Variants in TENM4 observed in about 807,000 individuals in gnomAD.
The protein encoded by TENM4 is teneurin transmembrane protein 4, also known as teneurin-4.
A neutral mutation model predicts 243.3 loss-of-function variants in TENM4; 82 were observed. The observed-to-expected ratio is 0.34, with a 90% CI of 0.28 to 0.40. The LOEUF is 0.40. Ranked by LOEUF, TENM4 falls within the 10% of genes least tolerant of loss-of-function variation. The pLI is 1.00. For missense variants in TENM4, 3,138 were observed against 3,673.3 expected, an observed-to-expected ratio of 0.85 and a Z score of 3.77; for synonymous variants, 1,412 against 1,456.3, an observed-to-expected ratio of 0.97 and a Z score of 0.69.
intron 4 of TENM4, among the ~76,000 whole-genome samples, chr11:79,129,873 A>T (rs185351330): frequency 1.3e-4 from 20 of 152,286 alleles, no homozygotes; most frequent in Admixed American, 9.8e-4. Flanking sequence ...GTTCCTCATC[A>T]TACTACCACA....
chr11:79,045,082 A>G (rs1859626014), intron 6 of TENM4, among the ~76,000 whole-genome samples: 1 of 152,198 alleles, frequency 6.6e-6, no homozygotes, highest in African/African-American at 2.4e-5. Flanking sequence ...CCCCATACCC[A>G]TTAAGCAGTT....
chr11:79,222,450 A>G (rs7942686), intron 2 of TENM4, among the ~76,000 whole-genome samples: 1,886 of 152,256 alleles, frequency 0.012, 22 homozygotes, highest in Middle Eastern at 0.058. Context: ...TATTGTGAAT[A>G]GTGCTGCAAT....
chr11:78,931,756 C>T (rs1379098917), intron 6 of TENM4, among the ~76,000 whole-genome samples: 2 of 152,154 alleles, frequency 1.3e-5, no homozygotes, highest in Non-Finnish European at 2.9e-5. Context: ...AGGATTTCCA[C>T]CGGGGCTAGG....
intron 28 of TENM4, among the ~76,000 whole-genome samples, chr11:78,695,562 C>T (rs1056866998): frequency 2.0e-5 from 3 of 152,204 alleles, no homozygotes; most frequent in Non-Finnish European, 2.9e-5. Context: ...GGGGTTTCAC[C>T]ATGTTGGCCA....
chr11:79,224,578 A>G (rs1432186426), intron 2 of TENM4, among the ~76,000 whole-genome samples: 1 of 152,150 alleles, frequency 6.6e-6, no homozygotes, highest in Non-Finnish European at 1.5e-5. Context: ...ATTTGGAGAT[A>G]AGGTCTTTAT....
intron 1 of TENM4, among the ~76,000 whole-genome samples, chr11:79,416,644 C>A (rs781076327): frequency 6.6e-6 from 1 of 152,126 alleles, no homozygotes; most frequent in Non-Finnish European, 1.5e-5. Context: ...ACCCTCATAA[C>A]AACCTAACGA....
intron 6 of TENM4, among the ~76,000 whole-genome samples, chr11:78,907,212 G>C (rs1299606866): frequency 2.0e-5 from 3 of 150,406 alleles, no homozygotes; most frequent in Admixed American, 6.6e-5. Flanking sequence ...ACTTCCCAAA[G>C]AGCAAATGTT....
intron 6 of TENM4, among the ~76,000 whole-genome samples, chr11:78,933,149 C>T (rs1856707974): frequency 6.6e-6 from 1 of 152,148 alleles, no homozygotes; most frequent in Non-Finnish European, 1.5e-5. Context: ...AATAGGCTTC[C>T]TGGCTGCATC....
At chr11:78,687,698 T>C (rs1432321760) in intron 29 of TENM4, among the ~76,000 whole-genome samples, 2 of 152,168 alleles carry the variant, frequency 1.3e-5, no homozygotes, top group Admixed American at 6.5e-5. Context: ...CCTTTCATAA[T>C]TATGCGTAAT....
intron 6 of TENM4, among the ~76,000 whole-genome samples, chr11:78,921,238 C>T (rs769039264): frequency 2.6e-5 from 4 of 152,162 alleles, no homozygotes; most frequent in Non-Finnish European, 4.4e-5. Context: ...CCACCTATGG[C>T]GTGATATTAC....
chr11:78,968,800 G>A (rs140155831), intron 6 of TENM4, among the ~76,000 whole-genome samples: 11 of 152,316 alleles, frequency 7.2e-5, no homozygotes, highest in Non-Finnish European at 1.5e-4. Context: ...CTTCAATGCT[G>A]TTTCCAAGTG....
rs907994767 is a variant in TENM4, at chr11:78,652,866, C to T, written c.*5192G>A. Reference sequence around the variant, plus strand: ...ACAGTCATTTATTTTTAAAGTGCAACGGCTCACATCCCTTGTGGAAGGCAG... The same window carrying T: ...ACAGTCATTTATTTTTAAAGTGCAATGGCTCACATCCCTTGTGGAAGGCAG... On this transcript the variant is annotated 3_prime_UTR_variant, in exon 34 of 34. Coordinates refer to ENST00000278550, the MANE Select transcript of TENM4 (RefSeq NM_001098816.3). 2 of 152,172 alleles carry T rather than the reference C, an allele frequency of 1.3e-5. No homozygotes were observed. Among genetic ancestry groups the T allele is most frequent in the Non-Finnish European group, 2.9e-5 (2 of 68,046 alleles). 9.4% of individuals were successfully genotyped at this position (152,172 alleles called of 1,614,324 possible). A position where few individuals can be genotyped will look rare whatever the true frequency, so the allele number is the denominator to read the frequency against.
intron 12 of TENM4, among the ~76,000 whole-genome samples, chr11:78,823,349 A>C (rs563897150): frequency 1.3e-3 from 199 of 152,272 alleles, no homozygotes; most frequent in African/African-American, 4.5e-3. Context: ...TGAGCACCTG[A>C]CCCAAGCCAA....
intron 1 of TENM4, among the ~76,000 whole-genome samples, chr11:79,300,746 G>T (rs958843562): frequency 6.6e-6 from 1 of 152,140 alleles, no homozygotes; most frequent in African/African-American, 2.4e-5. Flanking sequence ...TTTGGGAATT[G>T]CATGTTCGTT....
At chr11:79,318,191 C>G (rs928298498) in intron 1 of TENM4, among the ~76,000 whole-genome samples, 2 of 152,130 alleles carry the variant, frequency 1.3e-5, no homozygotes, top group African/African-American at 4.8e-5. Context: ...TACAGCAACA[C>G]TTTCCCCAGG....
chr11:78,727,662 C>A (rs1037117423), intron 22 of TENM4, among the ~76,000 whole-genome samples: 2 of 152,246 alleles, frequency 1.3e-5, no homozygotes, highest in East Asian at 1.9e-4. Context: ...GGTTTCAAAG[C>A]TTTTGTTTCA....
intron 1 of TENM4, among the ~76,000 whole-genome samples, chr11:79,303,968 C>T (rs918349699): frequency 2.0e-5 from 3 of 152,000 alleles, no homozygotes; most frequent in Admixed American, 6.6e-5. Flanking sequence ...GGGCAGAAGC[C>T]CAGTTGTGTG....
At chr11:79,130,156 T>A (rs1861971621) in intron 4 of TENM4, among the ~76,000 whole-genome samples, 1 of 152,054 alleles carries the variant, frequency 6.6e-6, no homozygotes, top group Non-Finnish European at 1.5e-5. Context: ...GCAGTTCGGC[T>A]TACAGGAGCG....
At position 78,729,459 on chromosome 11, in the gene TENM4, G is replaced by A; in HGVS notation, c.3323C>T (p.Ala1108Val). Residue 1108 changes from alanine (A) to valine (V), a missense_variant, in exon 22 of 34, where the codon GCA (alanine) becomes GTA (valine). By Grantham distance (64) the Ala-to-Val change is moderately conservative. This residue lies in a region of TENM4 where 2,467 missense variants were observed against 3,059.1 expected (regional missense o/e 0.81). Transcript: ENST00000278550. ...EGRLFRKWFA[A>V]APDLSYYFIW... The stretch of plus-strand genomic sequence containing the variant: ...GAAATAATAGGACAGGTCTGGGGCT[G>A]CAGCGAACCACTTCCTGAAGAGGCG... 6.2e-7 allele frequency: 1 copy of A among 1,610,160 alleles called. No individual in the cohort carries two copies. Among genetic ancestry groups the A allele is most frequent in the Non-Finnish European group, 8.5e-7 (1 of 1,177,974 alleles).
Sources: allele counts gnomAD v4.1 joint callset (sites outside exome capture counted in the v4.1 genomes callset), GRCh38; gene constraint gnomAD v4.1.1; regional missense constraint gnomAD v4.1.1; transcripts MANE v1.5; gene names NCBI Gene and HGNC (gene_info 2026-07-23, HGNC 2026-07-21).